PLD5: variants seen among roughly 807,000 people sequenced by gnomAD.
PLD5 encodes the protein phospholipase D family member 5.
PLD5 carries 36 observed loss-of-function variants against 61.1 expected under a neutral mutation model. The ratio of observed to expected loss-of-function variants is 0.59; its 90% CI spans 0.45 to 0.78. The LOEUF (loss-of-function observed/expected upper bound fraction) is 0.78. PLD5 is among the 30% of genes least tolerant of loss of function. The pLI is 0.00. For missense variants in PLD5, 515 were observed against 644.4 expected, an observed-to-expected ratio of 0.80 and a Z score of 2.17; for synonymous variants, 243 against 242.8, an observed-to-expected ratio of 1.00 and a Z score of -0.01.
At chr1:242,364,232 T>C (rs1267306295) in intron 1 of PLD5, among the ~76,000 whole-genome samples, 1 of 152,058 alleles carries the variant, frequency 6.6e-6, no homozygotes, top group Non-Finnish European at 1.5e-5. Flanking sequence ...TTCTCATTAG[T>C]GGATAGAACA....
intron 1 of PLD5, among the ~76,000 whole-genome samples, chr1:242,478,234 C>A (rs1667660261): frequency 6.6e-6 from 1 of 152,170 alleles, no homozygotes; most frequent in Non-Finnish European, 1.5e-5. Flanking sequence ...CGAAAAGGCT[C>A]TGACCAACCC....
At chr1:242,492,351 A>G (rs1668184986) in intron 1 of PLD5, among the ~76,000 whole-genome samples, 1 of 150,656 alleles carries the variant, frequency 6.6e-6, no homozygotes, top group African/African-American at 2.4e-5. Context: ...GTCTCTACTA[A>G]AAAAAAAACA....
intron 9 of PLD5, among the ~76,000 whole-genome samples, chr1:242,098,161 A>T (rs1252541365): frequency 6.6e-6 from 1 of 152,162 alleles, no homozygotes; most frequent in Non-Finnish European, 1.5e-5. Flanking sequence ...GTGTTTTCCA[A>T]CTTGGTTCCA....
chr1:242,164,177 AAAG>A (rs1317975808), intron 5 of PLD5, among the ~76,000 whole-genome samples: 4 of 152,064 alleles, frequency 2.6e-5, no homozygotes, highest in South Asian at 2.1e-4. Context: ...GAAAAAAAAA[AAAG>A]AAATTCATGC....
At chr1:242,340,940 T>G (rs904380978) in intron 2 of PLD5, among the ~76,000 whole-genome samples, 16 of 152,108 alleles carry the variant, frequency 1.1e-4, no homozygotes, top group Admixed American at 1.0e-3. Flanking sequence ...GCGGTATCAT[T>G]GTGTCTATCA....
chr1:242,261,926 G>A (rs553957910), intron 4 of PLD5, among the ~76,000 whole-genome samples: 4 of 152,272 alleles, frequency 2.6e-5, no homozygotes, highest in South Asian at 4.2e-4. Flanking sequence ...CGTATCTATC[G>A]AAATCGAACA....
chr1:242,429,076 G>A (rs900964564), intron 1 of PLD5, among the ~76,000 whole-genome samples: 1 of 152,148 alleles, frequency 6.6e-6, no homozygotes, highest in Non-Finnish European at 1.5e-5. Flanking sequence ...TGTGAACAGC[G>A]AGCTACAGTT....
chr1:242,330,964 CCA>C (rs1489148094), intron 2 of PLD5, among the ~76,000 whole-genome samples: 1 of 152,142 alleles, frequency 6.6e-6, no homozygotes, highest in Non-Finnish European at 1.5e-5. Flanking sequence ...CTCCCCTGGT[CCA>C]GTTTCCCCTT....
At chr1:242,519,361 C>T (rs1669207897) in intron 1 of PLD5, among the ~76,000 whole-genome samples, 1 of 152,214 alleles carries the variant, frequency 6.6e-6, no homozygotes, top group Non-Finnish European at 1.5e-5. Flanking sequence ...TCACTGGTAA[C>T]ATAAACTCTG....
At chr1:242,440,227 A>AT (rs1260445293) in intron 1 of PLD5, among the ~76,000 whole-genome samples, 1 of 152,156 alleles carries the variant, frequency 6.6e-6, no homozygotes, top group Non-Finnish European at 1.5e-5. Context: ...CTATTCATCC[A>AT]TTTTTAGGCA....
intron 4 of PLD5, among the ~76,000 whole-genome samples, chr1:242,244,342 T>C (rs1672237279): frequency 1.3e-5 from 2 of 152,166 alleles, no homozygotes; most frequent in Non-Finnish European, 2.9e-5. Context: ...ACTTGGTCCC[T>C]GTTCATGGGA....
In PLD5 at chr1:242,173,995, C is replaced by T. The variant is rs145743286; in HGVS notation, c.735+45993G>A. 7.4e-3 allele frequency among the ~76,000 whole-genome samples: 1,126 copies of T among 152,274 alleles called. 15 individuals are homozygous for T. The highest frequency in any genetic ancestry group is 0.026 in the African/African-American group (1,064 of 41,546). ...TTCGGGACATAGGCATGGGCAAGAA[C>T]TTCATGTCTAAAACACCAAAAGCAA... On this transcript the variant is annotated intron_variant, in intron 5 of 9. Transcript: ENST00000536534.
chr1:242,127,674 G>T (rs1026445080), intron 5 of PLD5, among the ~76,000 whole-genome samples: 4 of 151,894 alleles, frequency 2.6e-5, no homozygotes, highest in African/African-American at 9.7e-5. Context: ...AAGGGAAGGG[G>T]GTGAGGGATA....
At chr1:242,448,017 G>A (rs540613177) in intron 1 of PLD5, among the ~76,000 whole-genome samples, 2 of 152,236 alleles carry the variant, frequency 1.3e-5, no homozygotes, top group African/African-American at 4.8e-5. Context: ...TAATCCTCAT[G>A]CTAGATATGT....
intron 2 of PLD5, among the ~76,000 whole-genome samples, chr1:242,295,372 TGTAA>T (rs1348017983): frequency 1.3e-5 from 2 of 152,220 alleles, no homozygotes; most frequent in Admixed American, 6.5e-5. Context: ...AGCTCTCACG[TGTAA>T]GTGAGAACAT....
At chr1:242,220,587 C>T (rs182341207) in intron 4 of PLD5, among the ~76,000 whole-genome samples, 9 of 152,206 alleles carry the variant, frequency 5.9e-5, no homozygotes, top group African/African-American at 2.2e-4. Context: ...ATTATGCTTT[C>T]TATACATTTT....
intron 1 of PLD5, among the ~76,000 whole-genome samples, chr1:242,496,614 T>C (rs539313342): frequency 6.6e-6 from 1 of 152,332 alleles, no homozygotes; most frequent in South Asian, 2.1e-4. Flanking sequence ...AATATTGTCA[T>C]TTATAATTCT....
chr1:242,371,663 C>T (rs1000204616), intron 1 of PLD5, among the ~76,000 whole-genome samples: 2 of 152,002 alleles, frequency 1.3e-5, no homozygotes, highest in African/African-American at 4.8e-5. Context: ...ATTCAATGCC[C>T]AATCCAGGGC....
chr1:242,489,751 A>C (rs1212481311), intron 1 of PLD5, among the ~76,000 whole-genome samples: 1 of 152,216 alleles, frequency 6.6e-6, no homozygotes, highest in Admixed American at 6.5e-5. Context: ...GAAAGTATTC[A>C]GGGCAGTTGG....
Sources: gnomAD v4.1 joint callset for allele counts (sites outside exome capture counted in the v4.1 genomes callset) on GRCh38, gnomAD v4.1.1 for gene constraint, MANE v1.5 for transcripts, NCBI Gene and HGNC (gene_info 2026-07-23, HGNC 2026-07-21) for gene names.